SEMA3C: variants seen among roughly 807,000 people sequenced by gnomAD.
The protein encoded by SEMA3C is semaphorin-3C.
A neutral mutation model predicts 89.4 loss-of-function variants in SEMA3C; 47 were observed. The ratio of observed to expected loss-of-function variants is 0.53; its 90% confidence interval spans 0.42 to 0.67. SEMA3C has a LOEUF of 0.67. Ranked by LOEUF, SEMA3C falls within the 30% of genes least tolerant of loss-of-function variation. SEMA3C has a pLI of 0.00. For missense variants in SEMA3C, 839 were observed against 929.1 expected, an observed-to-expected ratio of 0.90 and a Z score of 1.26; for synonymous variants, 310 against 320.2, an observed-to-expected ratio of 0.97 and a Z score of 0.34.
intron 10 of SEMA3C, among the ~76,000 whole-genome samples, chr7:80,798,614 T>C (rs998362838): frequency 6.6e-6 from 1 of 152,218 alleles, no homozygotes; most frequent in Non-Finnish European, 1.5e-5. Context: ...ACAATTTAAC[T>C]CAAAGAGATG....
chr7:80,849,895 T>C (rs1162760665), intron 2 of SEMA3C, among the ~76,000 whole-genome samples: 1 of 152,084 alleles, frequency 6.6e-6, no homozygotes, highest in Non-Finnish European at 1.5e-5. Flanking sequence ...TCTAAGCACA[T>C]ATAATCTATA....
chr7:80,915,152 T>C (rs1584007353), intron 2 of SEMA3C, among the ~76,000 whole-genome samples: 1 of 151,702 alleles, frequency 6.6e-6, no homozygotes, highest in Non-Finnish European at 1.5e-5. Flanking sequence ...CCTTTCTCTT[T>C]TATTTGAAAA....
chr7:80,880,522 T>A lies in SEMA3C; in HGVS notation c.103+36157A>T, dbSNP rs577712968. Among the ~76,000 whole-genome samples the A allele has an allele frequency of 5.9e-5, 9 of 152,342 alleles. No homozygotes were observed. In the South Asian group the frequency reaches 8.3e-4, roughly 14 times the overall value. Reference sequence around the variant, plus strand: ...AGTGGTTGCTTATCTTAGAAATACATGTTGGACAATTTACAGAAATTTTTC... The same window carrying A: ...AGTGGTTGCTTATCTTAGAAATACAAGTTGGACAATTTACAGAAATTTTTC... On this transcript the variant is annotated intron_variant, in intron 2 of 17. Coordinates refer to ENST00000265361, the MANE Select transcript of SEMA3C (RefSeq NM_006379.5).
At chr7:80,857,558 T>A (rs1356443399) in intron 2 of SEMA3C, among the ~76,000 whole-genome samples, 6 of 152,146 alleles carry the variant, frequency 3.9e-5, no homozygotes, top group Non-Finnish European at 8.8e-5. Context: ...TTTGTTTTAA[T>A]TAGTAGCCAT....
chr7:80,877,833 C>G (rs561717913), intron 2 of SEMA3C, among the ~76,000 whole-genome samples: 1 of 151,832 alleles, frequency 6.6e-6, no homozygotes, highest in Non-Finnish European at 1.5e-5. Flanking sequence ...TAATTTCTGA[C>G]GTGTGAGAAT....
chr7:80,800,872 C>T, intron 9 of SEMA3C, 46 bp from the exon 10 acceptor site: 1 of 1,296,838 alleles, frequency 7.7e-7, no homozygotes, highest in Non-Finnish European at 1.1e-6. Context: ...ATATTAACTT[C>T]TTTGTTTTGA....
At chr7:80,874,961 G>A (rs1231393530) in intron 2 of SEMA3C, among the ~76,000 whole-genome samples, 2 of 152,044 alleles carry the variant, frequency 1.3e-5, no homozygotes, top group Non-Finnish European at 2.9e-5. Flanking sequence ...GCAGGTACCT[G>A]TAGTCCCAGC....
chr7:80,752,764 G>C (rs1455131992), intron 15 of SEMA3C, among the ~76,000 whole-genome samples: 3 of 152,158 alleles, frequency 2.0e-5, no homozygotes, highest in Middle Eastern at 3.4e-3. Flanking sequence ...AGTCGACGTA[G>C]AGCAGCTGCA....
At chr7:80,842,872 CA>C (rs1249057920) in intron 2 of SEMA3C, among the ~76,000 whole-genome samples, 1 of 152,096 alleles carries the variant, frequency 6.6e-6, no homozygotes, top group Non-Finnish European at 1.5e-5. Flanking sequence ...TCATCAGAGA[CA>C]TATAAACTGT....
intron 2 of SEMA3C, among the ~76,000 whole-genome samples, chr7:80,839,172 T>C (rs1201133996): frequency 6.6e-6 from 1 of 152,176 alleles, no homozygotes; most frequent in Non-Finnish European, 1.5e-5. Context: ...TCTGAACTTA[T>C]CACTAATCTA....
At chr7:80,755,548 G>T (rs952578043) in intron 15 of SEMA3C, among the ~76,000 whole-genome samples, 3 of 151,380 alleles carry the variant, frequency 2.0e-5, no homozygotes. Flanking sequence ...TATGGTAAAA[G>T]TCCATTTATA....
chr7:80,847,894 G>C (rs762902781), intron 2 of SEMA3C, among the ~76,000 whole-genome samples: 3 of 152,098 alleles, frequency 2.0e-5, no homozygotes, highest in Non-Finnish European at 2.9e-5. Context: ...CAAATGAAGG[G>C]GTTGAACTAA....
intron 6 of SEMA3C, 44 bp downstream of exon 6, chr7:80,810,566 CA>C (rs1176547037): frequency 2.0e-6 from 3 of 1,491,666 alleles, no homozygotes; most frequent in South Asian, 2.3e-5. Context: ...GCTAATTTTC[CA>C]TGTTATTTTA....
intron 13 of SEMA3C, among the ~76,000 whole-genome samples, chr7:80,764,468 C>T (rs1788251242): frequency 6.6e-6 from 1 of 152,174 alleles, no homozygotes. Flanking sequence ...CAGCAGGACA[C>T]CACAAATCCC....
At chr7:80,789,243 C>T (rs1465927289) in intron 12 of SEMA3C, 63 bp downstream of exon 12, 6 of 1,306,448 alleles carry the variant, frequency 4.6e-6, no homozygotes, top group East Asian at 2.3e-5. Context: ...CCCTTACCTA[C>T]TACCTATATT....
intron 2 of SEMA3C, among the ~76,000 whole-genome samples, chr7:80,875,563 A>G (rs987728717): frequency 9.2e-5 from 14 of 152,214 alleles, no homozygotes; most frequent in African/African-American, 3.1e-4. Flanking sequence ...TAAACAATTT[A>G]CAAGTTTTAA....
At chr7:80,896,942 G>A (rs1030384925) in intron 2 of SEMA3C, among the ~76,000 whole-genome samples, 1 of 151,970 alleles carries the variant, frequency 6.6e-6, no homozygotes, top group Non-Finnish European at 1.5e-5. Context: ...CTCGTGTTCC[G>A]ATCTCAAAAG....
At chr7:80,789,612 C>A (rs1008943389) in intron 11 of SEMA3C, 84 bp from the exon 12 acceptor site, 20 of 921,472 alleles carry the variant, frequency 2.2e-5, no homozygotes, top group South Asian at 1.6e-4. Flanking sequence ...CTTTTGAAAT[C>A]ACTTAGAAGC....
chr7:80,817,796 AC>A (rs1789643954), intron 5 of SEMA3C, among the ~76,000 whole-genome samples: 1 of 152,098 alleles, frequency 6.6e-6, no homozygotes, highest in Admixed American at 6.6e-5. Context: ...TTGGCATCCC[AC>A]TTTATACATC....
Sources: gnomAD v4.1 joint callset for allele counts (sites outside exome capture counted in the v4.1 genomes callset) on GRCh38, gnomAD v4.1.1 for gene constraint, MANE v1.5 for transcripts, NCBI Gene and HGNC (gene_info 2026-07-23, HGNC 2026-07-21) for gene names.